ACTL8: variants seen among roughly 807,000 people sequenced by gnomAD.
ACTL8 encodes actin like 8.
Under a neutral mutation model 9.3 loss-of-function variants are expected in ACTL8, and 3 were observed. The ratio of observed to expected loss-of-function variants is 0.32; its 90% CI spans 0.15 to 0.83. The LOEUF is 0.83. Among genes scored for constraint, ACTL8 ranks in the 40% least tolerant of loss-of-function variants. The pLI is 0.57. For synonymous variants in ACTL8, 224 were observed against 205.9 expected (o/e 1.09, Z -0.75); for missense variants, 381 against 492.2 (o/e 0.77, Z 2.14).
At chr1:17,802,208 A>G (rs1196821714) in intron 1 of ACTL8, among the ~76,000 whole-genome samples, 1 of 152,146 alleles carries the variant, frequency 6.6e-6, no homozygotes, top group African/African-American at 2.4e-5. Flanking sequence ...TCCTCCCTGC[A>G]CCTCAGAGCT....
chr1:17,791,405 G>T (rs1036611625), intron 1 of ACTL8, among the ~76,000 whole-genome samples: 2 of 151,738 alleles, frequency 1.3e-5, no homozygotes, highest in Admixed American at 6.6e-5. Context: ...TCAGAGATGA[G>T]AAGCAGCTTT....
chr1:17,773,429 CT>C (rs1258577212), intron 1 of ACTL8, among the ~76,000 whole-genome samples: 1 of 152,252 alleles, frequency 6.6e-6, no homozygotes, highest in African/African-American at 2.4e-5. Context: ...CAGGGGAAGC[CT>C]TTCCTAGCAC....
intron 1 of ACTL8, among the ~76,000 whole-genome samples, chr1:17,812,532 C>T (rs562980943): frequency 2.9e-4 from 43 of 150,100 alleles, no homozygotes; most frequent in African/African-American, 1.1e-3. Flanking sequence ...CGGGCTCAAG[C>T]AATTCTCCTG....
rs114174981 is a variant in ACTL8, at chr1:17,823,385, C to T, written c.348+29C>T. 3,494 of 1,575,260 alleles carry T rather than the reference C, an allele frequency of 2.2e-3. 52 individuals are homozygous for T. In the African/African-American group the frequency reaches 0.04, roughly 18 times the overall value. ...AGGCCTGCCGGGGCCTGCTCCCACT[C>T]GGGAGCGGGAAACAGACTGACACTA... On this transcript the variant is annotated intron_variant, in intron 2 of 2. Coordinates refer to ENST00000375406, the MANE Select transcript of ACTL8 (RefSeq NM_030812.3). This position sits in a 1 kb window ranked among gnomAD's most constrained non-coding sequence, Gnocchi z 5.3.
chr1:17,796,875 TAG>T (rs2066281243), intron 1 of ACTL8, among the ~76,000 whole-genome samples: 1 of 152,196 alleles, frequency 6.6e-6, no homozygotes, highest in African/African-American at 2.4e-5. Flanking sequence ...TCTAGAATGA[TAG>T]AGTTTGCACA....
chr1:17,788,787 A>C (rs191602065), intron 1 of ACTL8, among the ~76,000 whole-genome samples: 4 of 152,288 alleles, frequency 2.6e-5, no homozygotes, highest in Admixed American at 2.0e-4. Context: ...CCAGAAAGGA[A>C]CCCAGAGTGG....
chr1:17,797,128 A>G (rs2102690573), intron 1 of ACTL8, among the ~76,000 whole-genome samples: 1 of 151,958 alleles, frequency 6.6e-6, no homozygotes, highest in South Asian at 2.1e-4. Flanking sequence ...TCAGACTTCC[A>G]AACCCACCAG....
At chr1:17,794,951 CAGA>C (rs2066266548) in intron 1 of ACTL8, among the ~76,000 whole-genome samples, 1 of 152,158 alleles carries the variant, frequency 6.6e-6, no homozygotes, top group Non-Finnish European at 1.5e-5. Context: ...ATGACATCTG[CAGA>C]AGGAGGAATG....
rs533451787 is a variant in ACTL8 at position 17,823,660 on chromosome 1, C to T, written c.348+304C>T. On this transcript the variant is annotated intron_variant, in intron 2 of 2. Coordinates refer to ENST00000375406, the MANE Select transcript of ACTL8 (RefSeq NM_030812.3). This position sits in a 1 kb window ranked among gnomAD's most constrained non-coding sequence, Gnocchi z 5.3. ...GGAGGATCAGTTGAGCCCGGGAGGT[C>T]GAGAATAGAGTGAGCTGAGATCACG... 5.9e-5 allele frequency among the ~76,000 whole-genome samples: 9 copies of T among 151,962 alleles called. No individual in the cohort carries two copies. Among genetic ancestry groups the T allele is most frequent in the East Asian group, 3.9e-4 (2 of 5,154 alleles).
Position 17,779,911 on chromosome 1 carries a change from CT to C in ACTL8, c.-25+24409del, listed in dbSNP as rs1302351988. Among the ~76,000 whole-genome samples the C allele has an allele frequency of 2.0e-5, 3 of 152,144 alleles. No individual in the cohort carries two copies. In the East Asian group the frequency reaches 5.8e-4, roughly 29 times the overall value. On this transcript the variant is annotated intron_variant, in intron 1 of 2. Coordinates refer to ENST00000375406, the MANE Select transcript of ACTL8 (RefSeq NM_030812.3). Reference sequence around the variant, plus strand: ...TACTACAGTCCATGAATCCATAAAGCTTAAGAACCTTTTGGCTGGGTGCAGT... The same window carrying C: ...TACTACAGTCCATGAATCCATAAAGCTAAGAACCTTTTGGCTGGGTGCAGT...
chr1:17,783,207 T>A (rs1258120094), intron 1 of ACTL8, among the ~76,000 whole-genome samples: 2 of 152,142 alleles, frequency 1.3e-5, no homozygotes, highest in African/African-American at 4.8e-5. Context: ...CCAAATCTCA[T>A]CTTGAATTTC....
At chr1:17,770,055 T>A (rs1438198004) in intron 1 of ACTL8, among the ~76,000 whole-genome samples, 1 of 152,220 alleles carries the variant, frequency 6.6e-6, no homozygotes, top group Non-Finnish European at 1.5e-5. Context: ...TGTTGATTTG[T>A]ATTTATTGAT....
At chr1:17,766,397 C>T (rs2066044510) in intron 1 of ACTL8, among the ~76,000 whole-genome samples, 2 of 152,152 alleles carry the variant, frequency 1.3e-5, no homozygotes, top group South Asian at 4.1e-4. Flanking sequence ...CAGAGCCTGG[C>T]TCAAACCCGG....
chr1:17,769,843 A>T (rs2066071660), intron 1 of ACTL8, among the ~76,000 whole-genome samples: 1 of 152,184 alleles, frequency 6.6e-6, no homozygotes. Flanking sequence ...GCTCCAAAAT[A>T]ATTGAAATTT....
chr1:17,782,779 G>A (rs542681736), intron 1 of ACTL8, among the ~76,000 whole-genome samples: 79 of 152,306 alleles, frequency 5.2e-4, no homozygotes, highest in African/African-American at 1.8e-3. Context: ...ATAGGGGAAA[G>A]TACGCCACAG....
intron 1 of ACTL8, among the ~76,000 whole-genome samples, chr1:17,763,639 A>T (rs2066023291): frequency 6.6e-6 from 1 of 152,094 alleles, no homozygotes; most frequent in Non-Finnish European, 1.5e-5. Context: ...TCCCCATCCT[A>T]TTCCTCATTA....
At chr1:17,790,737 G>A (rs946434761) in intron 1 of ACTL8, among the ~76,000 whole-genome samples, 5 of 152,224 alleles carry the variant, frequency 3.3e-5, no homozygotes, top group Non-Finnish European at 7.3e-5. Context: ...TCTGCCTCCT[G>A]CTGCTGTTCA....
intron 1 of ACTL8, among the ~76,000 whole-genome samples, chr1:17,760,603 G>T (rs550030233): frequency 6.6e-6 from 1 of 152,316 alleles, no homozygotes; most frequent in Non-Finnish European, 1.5e-5. Context: ...GAGCCCAGGG[G>T]GGTGGCAAAG....
Position 17,767,098 on chromosome 1 carries a change from G to C in ACTL8, c.-25+11594G>C, listed in dbSNP as rs556883208. 2.9e-4 allele frequency among the ~76,000 whole-genome samples: 44 copies of C among 152,274 alleles called. 1 individual carries two copies. The South Asian group carries it at 8.9e-3, about 31-fold the overall frequency. On this transcript the variant is annotated intron_variant, in intron 1 of 2. Transcript: ENST00000375406. This position sits in a 1 kb window ranked among gnomAD's most constrained non-coding sequence, Gnocchi z 4.7. The stretch of plus-strand genomic sequence containing the variant: ...AGGTGACTTTGGCCACAGTGGTCAG[G>C]GACGGGGGAAGCAGACACCTGAGGG...
Sources: allele counts gnomAD v4.1 joint callset (sites outside exome capture counted in the v4.1 genomes callset), GRCh38; gene constraint gnomAD v4.1.1; non-coding constraint Gnocchi (gnomAD v3.1); transcripts MANE v1.5; gene names NCBI Gene and HGNC (gene_info 2026-07-23, HGNC 2026-07-21).